The following SYCP2L variants were observed in gnomAD, a reference collection of about 807,000 sequenced individuals.
SYCP2L encodes synaptonemal complex protein 2-like.
SYCP2L carries 98 observed loss-of-function variants against 125.8 expected under a neutral mutation model. The ratio of observed to expected loss-of-function variants is 0.78; its 90% CI spans 0.66 to 0.92. SYCP2L has a LOEUF of 0.92. Among genes scored for constraint, SYCP2L ranks in the 40% least tolerant of loss-of-function variants. SYCP2L has a pLI of 0.00. For synonymous variants in SYCP2L, 317 were observed against 325.4 expected, an observed-to-expected ratio of 0.97 and a Z score of 0.28; for missense variants, 842 against 936.4, an observed-to-expected ratio of 0.90 and a Z score of 1.32.
intron 8 of SYCP2L, among the ~76,000 whole-genome samples, chr6:10,904,066 A>C (rs919482619): frequency 1.3e-5 from 2 of 152,210 alleles, no homozygotes; most frequent in African/African-American, 4.8e-5. Flanking sequence ...ACTACTTGAT[A>C]GTTATTGTAA....
chr6:10,902,758 A>G lies in SYCP2L; in HGVS notation c.548A>G (p.Gln183Arg). ...AAGACTGTAAATCATTTGCTTCAAC[A>G]GGAGGTGAGTTGCAAGTAACAAAAC... is the stretch of plus-strand genomic sequence containing the variant. ...TEKTVNHLLQ[Q>R]EGLKTFNCIL... is the part of the protein sequence containing the mutation. The change falls in exon 7 of 30, where the codon CAG becomes CGG. Residue 183 changes from glutamine (Q) to arginine (R), a missense_variant. Transcript: ENST00000283141. 1.9e-6 allele frequency: 3 copies of G among 1,614,134 alleles called. No individual in the cohort carries two copies. The highest frequency in any genetic ancestry group is 1.7e-6 in the Non-Finnish European group (2 of 1,179,976).
chr6:10,939,139 CATTG>C (rs1482783756), intron 21 of SYCP2L, among the ~76,000 whole-genome samples: 1 of 151,436 alleles, frequency 6.6e-6, no homozygotes, highest in Non-Finnish European at 1.5e-5. Flanking sequence ...AAGAAAATTT[CATTG>C]ATAATAGCTT....
intron 6 of SYCP2L, among the ~76,000 whole-genome samples, chr6:10,899,989 T>A (rs1780350375): frequency 6.6e-6 from 1 of 152,230 alleles, no homozygotes; most frequent in African/African-American, 2.4e-5. Context: ...TACTGCATAT[T>A]TGAAAAACAG....
At chr6:10,891,641 G>GTA in intron 2 of SYCP2L, 60 bp downstream of exon 2, 4 of 801,352 alleles carry the variant, frequency 5.0e-6, no homozygotes, top group East Asian at 5.1e-5. Context: ...GTGTGTGTGT[G>GTA]TGTGTGTGTG....
At chr6:10,896,182 A>G (rs1477002464) in intron 4 of SYCP2L, among the ~76,000 whole-genome samples, 2 of 152,202 alleles carry the variant, frequency 1.3e-5, no homozygotes, top group Non-Finnish European at 2.9e-5. Flanking sequence ...GAACATCTTT[A>G]GTCCTGTACC....
At chr6:10,921,172 G>T (rs1780794572) in intron 14 of SYCP2L, among the ~76,000 whole-genome samples, 1 of 152,106 alleles carries the variant, frequency 6.6e-6, no homozygotes, top group Admixed American at 6.6e-5. Flanking sequence ...GTGGATGATG[G>T]CTTCAAGCTC....
At chr6:10,902,247 C>G (rs1429764100) in intron 6 of SYCP2L, among the ~76,000 whole-genome samples, 2 of 152,172 alleles carry the variant, frequency 1.3e-5, no homozygotes, top group Admixed American at 6.6e-5. Context: ...GATTATCTGT[C>G]ACATCTTTGT....
intron 1 of SYCP2L, among the ~76,000 whole-genome samples, chr6:10,891,105 C>G (rs531356928): frequency 5.3e-5 from 8 of 152,158 alleles, no homozygotes; most frequent in Non-Finnish European, 1.2e-4. Flanking sequence ...ATTTTGAAGT[C>G]AGGTACTATG....
rs1781588418 is a variant in SYCP2L at position 10,961,303 on chromosome 6, A to G, written c.2256-2A>G. 3 of 1,610,000 alleles carry G rather than the reference A, an allele frequency of 1.9e-6. No individual in the cohort carries two copies. In the African/African-American group the frequency reaches 4.0e-5, roughly 22 times the overall value. On this transcript the variant is annotated splice_acceptor_variant, in intron 26 of 29. Transcript: ENST00000283141. LOFTEE classifies it high-confidence loss of function. ...GATATTTACTGCTTTTATGTTTATT[A>G]GACTCAATAAACTAGAGCGCTTTCA...
chr6:10,905,142 C>CAAAAAAAAAA (rs34659978), intron 8 of SYCP2L, among the ~76,000 whole-genome samples: 6 of 54,658 alleles, frequency 1.1e-4, no homozygotes, highest in African/African-American at 1.4e-4. Context: ...GACTTGGTCT[C>CAAAAAAAAAA]AAAAAAAAAA....
intron 21 of SYCP2L, 71 bp from the exon 22 acceptor site, chr6:10,942,388 A>T: frequency 1.0e-6 from 1 of 973,962 alleles, no homozygotes; most frequent in Non-Finnish European, 1.5e-6. Flanking sequence ...TTTAATATCT[A>T]GAATGATAGT....
At position 10,963,854 on chromosome 6, in the gene SYCP2L, A is replaced by G. The variant is rs199728626; in HGVS notation, c.*37+11A>G. 8 of 1,606,906 alleles carry G rather than the reference A, an allele frequency of 5.0e-6. No homozygotes were observed. Among genetic ancestry groups the G allele is most frequent in the Non-Finnish European group, 6.8e-6 (8 of 1,173,630 alleles). On this transcript the variant is annotated intron_variant, in intron 29 of 29. Coordinates refer to ENST00000283141, the MANE Select transcript of SYCP2L (RefSeq NM_001040274.3). Reference sequence around the variant, plus strand: ...GATTGCAGCCCTCAGGTAGGTGCAAAGATTTGCATTGTTCAGTGGATGTGA... The same window carrying G: ...GATTGCAGCCCTCAGGTAGGTGCAAGGATTTGCATTGTTCAGTGGATGTGA...
At chr6:10,942,859 T>G in intron 23 of SYCP2L, 113 bp downstream of exon 23, 1 of 955,344 alleles carries the variant, frequency 1.0e-6, no homozygotes, top group East Asian at 2.6e-5. Context: ...GCACAGTGAC[T>G]ATTGCCAGGC....
intron 14 of SYCP2L, 80 bp downstream of exon 14, chr6:10,913,007 T>G: frequency 7.4e-7 from 1 of 1,359,260 alleles, no homozygotes. Context: ...TTTATTTAAT[T>G]CTAGGGCATA....
intron 14 of SYCP2L, among the ~76,000 whole-genome samples, chr6:10,921,984 C>T (rs982814317): frequency 1.3e-5 from 2 of 152,100 alleles, no homozygotes; most frequent in African/African-American, 4.8e-5. Flanking sequence ...GGATTACAGG[C>T]GTGAGCCAAC....
At chr6:10,901,488 A>T (rs1190735016) in intron 6 of SYCP2L, among the ~76,000 whole-genome samples, 1 of 152,144 alleles carries the variant, frequency 6.6e-6, no homozygotes, top group Admixed American at 6.5e-5. Context: ...GCTCAGGAAA[A>T]TTTGTTCTTT....
At position 10,907,075 on chromosome 6, in the gene SYCP2L, G is replaced by A. The variant is rs1780510392; in HGVS notation, c.677-467G>A. On this transcript the variant is annotated intron_variant, in intron 9 of 29. Coordinates refer to ENST00000283141, the MANE Select transcript of SYCP2L (RefSeq NM_001040274.3). Reference sequence around the variant, plus strand: ...TTAAATGATTTTGGCTAGGCATGGTGGCTCATGCCTACAATTCCGGCACTT... The same window carrying A: ...TTAAATGATTTTGGCTAGGCATGGTAGCTCATGCCTACAATTCCGGCACTT... 2.0e-5 allele frequency among the ~76,000 whole-genome samples: 3 copies of A among 152,090 alleles called. No individual in the cohort carries two copies. In the South Asian group the frequency reaches 6.2e-4, roughly 32 times the overall value.
chr6:10,938,309 C>T (rs990940680), intron 21 of SYCP2L, among the ~76,000 whole-genome samples: 2 of 152,154 alleles, frequency 1.3e-5, no homozygotes, highest in African/African-American at 2.4e-5. Context: ...AGGTTAAATT[C>T]ATAGAATCAT....
At chr6:10,923,813 A>T (rs979466207) in intron 14 of SYCP2L, among the ~76,000 whole-genome samples, 7 of 151,222 alleles carry the variant, frequency 4.6e-5, no homozygotes, top group African/African-American at 1.7e-4. Flanking sequence ...CCTCCCGAAT[A>T]GCTGGGACTA....
Sources: allele counts gnomAD v4.1 joint callset (sites outside exome capture counted in the v4.1 genomes callset), GRCh38; gene constraint gnomAD v4.1.1; transcripts MANE v1.5; gene names NCBI Gene and HGNC (gene_info 2026-07-23, HGNC 2026-07-21).